Variants in DTNA observed in about 807,000 individuals in gnomAD.
DTNA encodes the protein dystrophin-related protein 3.
A neutral mutation model predicts 100.7 loss-of-function variants in DTNA; 43 were observed. The observed-to-expected ratio is 0.43, with a 90% CI of 0.33 to 0.55. The LOEUF (loss-of-function observed/expected upper bound fraction) is 0.55, where lower values mean the gene tolerates loss of function less well. DTNA is among the 20% of genes least tolerant of loss of function. The pLI, the probability that DTNA is intolerant of heterozygous loss-of-function variation, is 0.04. For missense variants in DTNA, 798 were observed against 953.9 expected (o/e 0.84, Z 2.15); for synonymous variants, 349 against 347.9 (o/e 1.00, Z -0.04).
chr18:34,691,762 T>G (rs1254826077), intron 1 of DTNA, among the ~76,000 whole-genome samples: 3 of 152,134 alleles, frequency 2.0e-5, no homozygotes, highest in Non-Finnish European at 2.9e-5. Context: ...GCCTAGACAC[T>G]CCTCCCATCC....
At chr18:34,821,126 A>G (rs1036885370) in intron 9 of DTNA, 4 of 706,904 alleles carry the variant, frequency 5.7e-6, no homozygotes, top group Admixed American at 4.1e-5. Context: ...ATGCAACACT[A>G]ACATAATTCA....
Position 34,879,673 on chromosome 18 carries a change from G to A in DTNA, c.2116G>A (p.Gly706Arg). The change falls in exon 20 of 23, where the codon GGG becomes AGG. Residue 706 changes from glycine to arginine, a missense_variant. Physicochemically the swap from Gly to Arg is moderately radical, Grantham distance 125. This residue lies in a region of DTNA where 242 missense variants were observed against 238.2 expected (regional missense o/e 1.02). Coordinates refer to ENST00000444659, the MANE Select transcript of DTNA (RefSeq NM_001386795.1). Reference sequence around the variant, plus strand: ...AGCGCAAATCCATGCCCGAAAACCTGGGTACATTCACAGTGGAGCTACCAC... The same window carrying A: ...AGCGCAAATCCATGCCCGAAAACCTAGGTACATTCACAGTGGAGCTACCAC... ...FLAQIHARKP[G>R]YIHSGATTST... 1 of 1,614,084 alleles carries A rather than the reference G, an allele frequency of 6.2e-7. No homozygotes were observed. The highest frequency in any genetic ancestry group is 1.1e-5 in the South Asian group (1 of 91,076).
intron 1 of DTNA, among the ~76,000 whole-genome samples, chr18:34,620,593 T>G (rs1485438467): frequency 5.9e-5 from 9 of 152,206 alleles, no homozygotes. Flanking sequence ...TAGTGGCTTC[T>G]GCTTCTGGGG....
chr18:34,708,013 T>G (rs1429788510), upstream of DTNA, among the ~76,000 whole-genome samples: 1 of 152,230 alleles, frequency 6.6e-6, no homozygotes. Flanking sequence ...AATCTTGCAA[T>G]GTGCAACATT....
Position 34,858,412 on chromosome 18 carries a change from C to G in DTNA, c.1646+14C>G, listed in dbSNP as rs1252299467. On this transcript the variant is annotated intron_variant, in intron 16 of 22. Transcript: ENST00000444659. ...CCGGCTCCTCAGGTAGGAGAGAGCA[C>G]CCATGTCATCTCAGGGAATATATAT... is the stretch of plus-strand genomic sequence containing the variant. 6.2e-7 allele frequency: 1 copy of G among 1,611,386 alleles called. No individual in the cohort carries two copies. Among genetic ancestry groups the G allele is most frequent in the East Asian group, 2.2e-5 (1 of 44,868 alleles).
chr18:34,782,793 C>CTAA (rs1456127168), intron 3 of DTNA, among the ~76,000 whole-genome samples: 1 of 152,152 alleles, frequency 6.6e-6, no homozygotes, highest in Non-Finnish European at 1.5e-5. Context: ...TCATGCTTAG[C>CTAA]CTGTTGGGTT....
At chr18:34,619,888 G>T (rs997183021) in intron 1 of DTNA, among the ~76,000 whole-genome samples, 2 of 152,056 alleles carry the variant, frequency 1.3e-5, no homozygotes, top group African/African-American at 4.8e-5. Flanking sequence ...AAGAAGCATG[G>T]GGAAGAACCC....
At chr18:34,883,605 C>A (rs1367583585) in intron 21 of DTNA, among the ~76,000 whole-genome samples, 1 of 152,130 alleles carries the variant, frequency 6.6e-6, no homozygotes, top group Non-Finnish European at 1.5e-5. Flanking sequence ...CCACCATACC[C>A]AGGCTTTCTG....
intron 5 of DTNA, among the ~76,000 whole-genome samples, chr18:34,807,495 C>T (rs1028014254): frequency 1.1e-4 from 17 of 152,168 alleles, no homozygotes; most frequent in African/African-American, 4.1e-4. Flanking sequence ...TGAGTGAGAT[C>T]GCTTGCTTCT....
rs547574996 is a variant in DTNA at position 34,664,189 on chromosome 18, T to C, written c.-1-91787T>C. On this transcript the variant is annotated intron_variant, in intron 1 of 19. Transcript: ENST00000283365. ...ATTTGTCAACCAAAACATATTCCAATAGATTAAATGCAGAAGCAGATAGGT... is the reference window on the plus strand; with the variant it reads ...ATTTGTCAACCAAAACATATTCCAACAGATTAAATGCAGAAGCAGATAGGT... Among the ~76,000 whole-genome samples, 13 of 152,216 alleles carry C rather than the reference T, an allele frequency of 8.5e-5. No individual in the cohort carries two copies. In the South Asian group the frequency reaches 2.5e-3, roughly 29 times the overall value.
At chr18:34,555,487 T>C (rs900411055) in intron 1 of DTNA, among the ~76,000 whole-genome samples, 1 of 152,150 alleles carries the variant, frequency 6.6e-6, no homozygotes, top group African/African-American at 2.4e-5. Context: ...ATTTTGGATC[T>C]TTCCTGCTTT....
At chr18:34,702,169 G>A (rs774633094) in intron 1 of DTNA, among the ~76,000 whole-genome samples, 3 of 152,008 alleles carry the variant, frequency 2.0e-5, no homozygotes, top group South Asian at 2.1e-4. Flanking sequence ...TCACGGACTC[G>A]GGTCTCCCTT....
At chr18:34,791,114 T>G (rs1435322301) in intron 3 of DTNA, among the ~76,000 whole-genome samples, 4 of 152,134 alleles carry the variant, frequency 2.6e-5, no homozygotes, top group South Asian at 2.1e-4. Context: ...GCCACTCCTG[T>G]GGTCACTCCC....
At position 34,815,941 on chromosome 18, in the gene DTNA, G is replaced by T. The variant is rs781293080; in HGVS notation, c.636G>T (p.Thr212=). ...TCACGTTAAATGGTTTCTTGGACAC[G>T]CTTATGTCAGATCCTCCCCCGCAGT... ...KKVTLNGFLD[T]LMSDPPPQCL... The change falls in exon 7 of 23, where the codon ACG becomes ACT. Residue 212 remains threonine (T), a synonymous_variant. Coordinates refer to ENST00000444659, the MANE Select transcript of DTNA (RefSeq NM_001386795.1). The T allele has an allele frequency of 6.2e-7, 1 of 1,613,742 alleles. No individual in the cohort carries two copies. The highest frequency in any genetic ancestry group is 8.5e-7 in the Non-Finnish European group (1 of 1,179,744).
intron 1 of DTNA, among the ~76,000 whole-genome samples, chr18:34,493,681 GCGCAGCCCCGGCTGCGCAGGGAC>G (rs2144267779): frequency 6.7e-6 from 1 of 149,878 alleles, no homozygotes; most frequent in African/African-American, 2.4e-5. Flanking sequence ...TGCACATGAC[GCGCAGCCCCGGCTGCGCAGGGAC>G]CGCAGCCGCC....
intron 1 of DTNA, among the ~76,000 whole-genome samples, chr18:34,547,116 T>C (rs1051655984): frequency 1.3e-5 from 2 of 152,262 alleles, no homozygotes; most frequent in East Asian, 3.9e-4. Flanking sequence ...ACTGCAAATA[T>C]AAATAATTTT....
chr18:34,619,803 A>G (rs2056095620), intron 1 of DTNA, among the ~76,000 whole-genome samples: 2 of 152,190 alleles, frequency 1.3e-5, no homozygotes, highest in Admixed American at 1.3e-4. Context: ...TACTGATTTA[A>G]AAGTCATTTG....
At chr18:34,668,060 T>G (rs1313171734) in intron 1 of DTNA, among the ~76,000 whole-genome samples, 2 of 152,142 alleles carry the variant, frequency 1.3e-5, no homozygotes, top group Non-Finnish European at 2.9e-5. Context: ...GGTCCTGGAC[T>G]TTTTTTGGTT....
At chr18:34,562,962 A>G (rs1006373422) in intron 1 of DTNA, among the ~76,000 whole-genome samples, 5 of 152,218 alleles carry the variant, frequency 3.3e-5, no homozygotes, top group Non-Finnish European at 7.3e-5. Context: ...AAATTAGGAA[A>G]AGTTGTCCCT....
Sources: gnomAD v4.1 joint callset for allele counts (sites outside exome capture counted in the v4.1 genomes callset) on GRCh38, gnomAD v4.1.1 for gene constraint, gnomAD v4.1.1 regional missense constraint, MANE v1.5 for transcripts, NCBI Gene and HGNC (gene_info 2026-07-23, HGNC 2026-07-21) for gene names.